The following CIP2A variants were observed in gnomAD, a reference collection of about 807,000 sequenced individuals.
The protein encoded by CIP2A is cellular inhibitor of PP2A, also known as protein CIP2A.
A neutral mutation model predicts 110.9 loss-of-function variants in CIP2A; 103 were observed. That is an observed-to-expected ratio of 0.93 (90% CI 0.79 to 1.09). The LOEUF (loss-of-function observed/expected upper bound fraction) is 1.09, where lower values mean the gene tolerates loss of function less well. CIP2A is among the 50% of genes least tolerant of loss of function. CIP2A has a pLI of 0.00. For missense variants in CIP2A, 1,088 were observed against 1,038.4 expected (o/e 1.05, Z -0.66); for synonymous variants, 381 against 361.6 (o/e 1.05, Z -0.61).
At position 108,561,006 on chromosome 3, in the gene CIP2A, A is replaced by T. The variant is rs1456765578; in HGVS notation, c.1635-165T>A. On this transcript the variant is annotated intron_variant, in intron 13 of 20. Coordinates refer to ENST00000295746, the MANE Select transcript of CIP2A (RefSeq NM_020890.3). ...AAATGAAGTCTTGGGAAATATTCTG[A>T]ATTTTCCAGAGCACCCACTTTTCTG... Among the ~76,000 whole-genome samples, 7 of 152,158 alleles carry T rather than the reference A, an allele frequency of 4.6e-5. No homozygotes were observed. In the East Asian group the frequency reaches 1.3e-3, roughly 29 times the overall value.
intron 2 of CIP2A, among the ~76,000 whole-genome samples, chr3:108,584,583 A>G (rs1417524976): frequency 6.6e-6 from 1 of 152,196 alleles, no homozygotes; most frequent in Non-Finnish European, 1.5e-5. Context: ...AATGCTTAAT[A>G]GCTCCATGTG....
At chr3:108,557,192 T>C (rs1280341943) in intron 17 of CIP2A, 26 bp downstream of exon 17, 2 of 1,464,714 alleles carry the variant, frequency 1.4e-6, no homozygotes, top group South Asian at 1.3e-5. Flanking sequence ...GTTCTAACCT[T>C]ACACAGAAGA....
intron 8 of CIP2A, among the ~76,000 whole-genome samples, chr3:108,575,326 A>G (rs7624880): frequency 0.29 from 44,099 of 150,332 alleles, 7,070 homozygotes; most frequent in Non-Finnish European, 0.36. Context: ...GCATGTACAC[A>G]CACGTGTATA....
Position 108,584,961 on chromosome 3 carries a change from T to C in CIP2A, c.250+104A>G, listed in dbSNP as rs563848228. On this transcript the variant is annotated intron_variant, in intron 2 of 20. Coordinates refer to ENST00000295746, the MANE Select transcript of CIP2A (RefSeq NM_020890.3). The stretch of plus-strand genomic sequence containing the variant: ...CAATGCACACTAGACTGAGAAGTCT[T>C]TGAAGGTGAATCATTCTTTAAGAGA... 67 of 1,081,322 alleles carry C rather than the reference T, an allele frequency of 6.2e-5. No homozygotes were observed. In the East Asian group the frequency reaches 1.6e-3, roughly 26 times the overall value. The allele number at this position is 1,081,322 out of a possible 1,614,324, so 67.0% of individuals were successfully genotyped here. A position where few individuals can be genotyped will look rare whatever the true frequency, so the allele number is the denominator to read the frequency against.
intron 4 of CIP2A, 131 bp from the exon 5 acceptor site, chr3:108,581,642 ACT>A: frequency 1.7e-6 from 1 of 598,066 alleles, no homozygotes; most frequent in Non-Finnish European, 2.9e-6. Flanking sequence ...AAAAAAAAAA[ACT>A]AATTAACATA....
At chr3:108,575,325 C>T (rs1938543350) in intron 8 of CIP2A, among the ~76,000 whole-genome samples, 1 of 150,230 alleles carries the variant, frequency 6.7e-6, no homozygotes, top group Admixed American at 6.6e-5. Context: ...TGCATGTACA[C>T]ACACGTGTAT....
Position 108,553,896 on chromosome 3 carries a change from T to C in CIP2A, c.2325-166A>G, listed in dbSNP as rs2688253. Among the ~76,000 whole-genome samples the C allele has an allele frequency of 0.028, 2,313 of 84,108 alleles. 758 individuals carry two copies. Among genetic ancestry groups the C allele is most frequent in the Middle Eastern group, 0.08 (11 of 138 alleles). The allele number at this position is 84,108 out of a possible 152,430, so 55.2% of individuals were successfully genotyped here. The stretch of plus-strand genomic sequence containing the variant: ...TGAAACCCCGTCTCTACTAAAAATA[T>C]AAAAAAAAAAAAAAAAAAAAAAAGG... On this transcript the variant is annotated intron_variant, in intron 18 of 20. Transcript: ENST00000295746.
intron 8 of CIP2A, among the ~76,000 whole-genome samples, chr3:108,574,181 G>A (rs186385292): frequency 1.1e-4 from 17 of 152,074 alleles, no homozygotes; most frequent in East Asian, 3.9e-4. Context: ...GAAAGACAAC[G>A]CATTAAACAA....
In CIP2A at chr3:108,554,447, T is replaced by G; in HGVS notation, c.2253A>C (p.Thr751=). 1 of 1,553,454 alleles carries G rather than the reference T, an allele frequency of 6.4e-7. No individual in the cohort carries two copies. Among genetic ancestry groups the G allele is most frequent in the Non-Finnish European group, 8.8e-7 (1 of 1,130,870 alleles). ...CAATTTGTTTATTCAGAGAATCACATGTGATCTGTAAATCTTTATTCTTCT... is the reference window on the plus strand; with the variant it reads ...CAATTTGTTTATTCAGAGAATCACAGGTGATCTGTAAATCTTTATTCTTCT... ...TEKKNKDLQI[T]CDSLNKQIET... The change falls in exon 18 of 21, where the codon ACA becomes ACC. Residue 751 remains threonine (T), a synonymous_variant. Transcript: ENST00000295746.
rs1576301741 is a variant in CIP2A at position 108,560,847 on chromosome 3, T to C, written c.1635-6A>G. ...CTGCTATACTTTCTCCAAGTCTGAA[T>C]GGGAGTCAAAGAAAGGAAAAAAAAA... On this transcript the variant is annotated splice_region_variant and splice_polypyrimidine_tract_variant and intron_variant, in intron 13 of 20. Coordinates refer to ENST00000295746, the MANE Select transcript of CIP2A (RefSeq NM_020890.3). 3 of 1,527,818 alleles carry C rather than the reference T, an allele frequency of 2.0e-6. No individual in the cohort carries two copies. Among genetic ancestry groups the C allele is most frequent in the Non-Finnish European group, 2.6e-6 (3 of 1,137,212 alleles). The allele number at this position is 1,527,818 out of a possible 1,614,324, so 94.6% of individuals were successfully genotyped here. A position where few individuals can be genotyped will look rare whatever the true frequency, so the allele number is the denominator to read the frequency against.
chr3:108,567,558 G>A (rs1289218004), intron 10 of CIP2A, among the ~76,000 whole-genome samples: 1 of 151,836 alleles, frequency 6.6e-6, no homozygotes, highest in Non-Finnish European at 1.5e-5. Context: ...GTAAACACAA[G>A]GAAGACCTAG....
In CIP2A at chr3:108,554,458, A is replaced by T. The variant is rs1433454870; in HGVS notation, c.2242T>A (p.Leu748Ile). Residue 748 changes from leucine (L) to isoleucine (I), a missense_variant, in exon 18 of 21, where the codon TTA (leucine) becomes ATA (isoleucine). Coordinates refer to ENST00000295746, the MANE Select transcript of CIP2A (RefSeq NM_020890.3). ...NESTEKKNKD[L>I]QITCDSLNKQ... is the part of the protein sequence containing the mutation. Reference sequence around the variant, plus strand: ...TTCAGAGAATCACATGTGATCTGTAAATCTTTATTCTTCTTTTCAGTACTT... The same window carrying T: ...TTCAGAGAATCACATGTGATCTGTATATCTTTATTCTTCTTTTCAGTACTT... 2.6e-6 allele frequency: 4 copies of T among 1,530,326 alleles called. No homozygotes were observed. In the Middle Eastern group the frequency reaches 5.2e-4, roughly 197 times the overall value. 94.8% of individuals were successfully genotyped at this position (1,530,326 alleles called of 1,614,324 possible).
At chr3:108,566,362 A>G (rs1002320069) in intron 11 of CIP2A, 135 bp downstream of exon 11, 1 of 641,110 alleles carries the variant, frequency 1.6e-6, no homozygotes, top group Non-Finnish European at 2.6e-6. Flanking sequence ...CAAAAAATTC[A>G]TTATGAAAAT....
intron 8 of CIP2A, among the ~76,000 whole-genome samples, chr3:108,575,554 A>G (rs62643915): frequency 0.17 from 21,056 of 122,086 alleles, 5,175 homozygotes; most frequent in East Asian, 0.4. Context: ...ATACATGTGT[A>G]TATATACGTG....
At position 108,554,093 on chromosome 3, in the gene CIP2A, G is replaced by A. The variant is rs548874810; in HGVS notation, c.2324+283C>T. ...GTATTTTCAGTATTTACAGAGTTTCGCCATGTTGGCCACGCTGGTCTCAAA... is the reference window on the plus strand; with the variant it reads ...GTATTTTCAGTATTTACAGAGTTTCACCATGTTGGCCACGCTGGTCTCAAA... On this transcript the variant is annotated intron_variant, in intron 18 of 20. Coordinates refer to ENST00000295746, the MANE Select transcript of CIP2A (RefSeq NM_020890.3). Among the ~76,000 whole-genome samples the A allele has an allele frequency of 4.0e-3, 610 of 151,242 alleles. 2 individuals carry two copies. Among genetic ancestry groups the A allele is most frequent in the African/African-American group, 0.014 (564 of 41,246 alleles).
intron 8 of CIP2A, among the ~76,000 whole-genome samples, chr3:108,575,833 T>C (rs12490429): frequency 0.48 from 15,406 of 32,100 alleles, 7,283 homozygotes; most frequent in East Asian, 0.93. Flanking sequence ...TGTATATACG[T>C]GTATATATAC....
intron 18 of CIP2A, 45 bp from the exon 19 acceptor site, chr3:108,553,775 T>C (rs768132930): frequency 6.1e-6 from 9 of 1,477,422 alleles, no homozygotes; most frequent in Non-Finnish European, 7.4e-6. Flanking sequence ...ATGAACCATA[T>C]ACCATTTGTA....
At position 108,585,147 on chromosome 3, in the gene CIP2A, C is replaced by T; in HGVS notation, c.168G>A (p.Leu56=). The stretch of plus-strand genomic sequence containing the variant: ...CTTCAAGTAGCTCTACAAGGCAACT[C>T]AAGCATTCACTTGTTAATATCTGAT... ...TSNQILTSEC[L]SCLVELLEDP... The change falls in exon 2 of 21, where the codon TTG becomes TTA. Residue 56 remains leucine, a synonymous_variant. Transcript: ENST00000295746. 2 of 1,613,380 alleles carry T rather than the reference C, an allele frequency of 1.2e-6. No homozygotes were observed. The highest frequency in any genetic ancestry group is 1.7e-6 in the Non-Finnish European group (2 of 1,179,438).
chr3:108,559,855 T>C lies in CIP2A; in HGVS notation c.1915A>G (p.Arg639Gly). The C allele has an allele frequency of 1.9e-6, 3 of 1,606,810 alleles. No individual in the cohort carries two copies. Among genetic ancestry groups the C allele is most frequent in the Non-Finnish European group, 2.6e-6 (3 of 1,174,678 alleles). The change falls in exon 16 of 21, where the codon AGG (arginine) becomes GGG (glycine). Residue 639 changes from arginine (R) to glycine (G), a missense_variant. Coordinates refer to ENST00000295746, the MANE Select transcript of CIP2A (RefSeq NM_020890.3). ...TTTGTTTCCAAAAGATCTTGTAGCC[T>C]GCTTTCTTTGGACTACAAGAAAACA... ...KLSTLASKES[R>G]LQDLLETKAL...
Sources: gnomAD v4.1 joint callset for allele counts (sites outside exome capture counted in the v4.1 genomes callset) on GRCh38, gnomAD v4.1.1 for gene constraint, MANE v1.5 for transcripts, NCBI Gene and HGNC (gene_info 2026-07-23, HGNC 2026-07-21) for gene names.